Variants in NPAS3 observed in about 807,000 individuals in gnomAD.
NPAS3 encodes neuronal PAS domain-containing protein 3.
A neutral mutation model predicts 73.1 loss-of-function variants in NPAS3; 14 were observed. That is an observed-to-expected ratio of 0.19 (90% confidence interval 0.13 to 0.30). The LOEUF (loss-of-function observed/expected upper bound fraction) is 0.30, where lower values mean the gene tolerates loss of function less well. Ranked by LOEUF, NPAS3 falls within the 10% of genes least tolerant of loss-of-function variation. NPAS3 has a pLI of 1.00. For missense variants in NPAS3, 1,096 were observed against 1,250.0 expected (o/e 0.88, Z 1.86); for synonymous variants, 620 against 541.5 (o/e 1.14, Z -2.01).
intron 2 of NPAS3, among the ~76,000 whole-genome samples, chr14:33,119,305 A>G (rs2255032): frequency 0.045 from 6,902 of 152,116 alleles, 600 homozygotes; most frequent in East Asian, 0.39. Context: ...TTATTTCTTA[A>G]AGGAGTTTAG....
At chr14:33,648,889 C>T (rs2058909958) in intron 5 of NPAS3, among the ~76,000 whole-genome samples, 1 of 152,180 alleles carries the variant, frequency 6.6e-6, no homozygotes, top group Non-Finnish European at 1.5e-5. Context: ...TGCTGAGGAG[C>T]ACAGTGTGGC....
intron 1 of NPAS3, among the ~76,000 whole-genome samples, chr14:33,044,708 G>A (rs1363837807): frequency 6.7e-6 from 1 of 149,916 alleles, no homozygotes; most frequent in East Asian, 2.0e-4. Context: ...GAAATGACCT[G>A]TGATGAGTGT....
At chr14:32,938,900 C>A (rs2035828521), upstream of NPAS3, among the ~76,000 whole-genome samples, 1 of 145,756 alleles carries the variant, frequency 6.9e-6, no homozygotes, top group Admixed American at 6.8e-5. Flanking sequence ...GTCTCCGCGC[C>A]GGGCATGCCT....
At chr14:33,790,548 GA>G (rs1266140988) in intron 9 of NPAS3, among the ~76,000 whole-genome samples, 1 of 150,222 alleles carries the variant, frequency 6.7e-6, no homozygotes, top group African/African-American at 2.4e-5. Flanking sequence ...TTGCCAGTAT[GA>G]CTTTTTTTTT....
intron 5 of NPAS3, among the ~76,000 whole-genome samples, chr14:33,664,815 T>A (rs541067661): frequency 1.3e-5 from 2 of 152,282 alleles, no homozygotes; most frequent in South Asian, 4.1e-4. Context: ...TGAGATACCA[T>A]CTCACACCAG....
chr14:33,269,898 C>T (rs1467214180), intron 3 of NPAS3, among the ~76,000 whole-genome samples: 1 of 152,148 alleles, frequency 6.6e-6, no homozygotes, highest in African/African-American at 2.4e-5. Flanking sequence ...TACAAAGTGA[C>T]AACTACCTAT....
At chr14:33,528,397 T>C (rs1166914393) in intron 4 of NPAS3, among the ~76,000 whole-genome samples, 1 of 151,572 alleles carries the variant, frequency 6.6e-6, no homozygotes, top group African/African-American at 2.4e-5. Flanking sequence ...TGAAGGGCGC[T>C]CACAATCTAG....
chr14:33,154,100 C>G (rs2044560649), intron 2 of NPAS3, among the ~76,000 whole-genome samples: 1 of 151,864 alleles, frequency 6.6e-6, no homozygotes, highest in Admixed American at 6.6e-5. Flanking sequence ...GTAGAATTGG[C>G]CTTCTCTCTC....
intron 3 of NPAS3, among the ~76,000 whole-genome samples, chr14:33,248,449 T>G (rs1473586369): frequency 6.6e-6 from 1 of 152,164 alleles, no homozygotes; most frequent in African/African-American, 2.4e-5. Flanking sequence ...CACAAGTTTT[T>G]CACTTCTTCT....
intron 2 of NPAS3, among the ~76,000 whole-genome samples, chr14:33,175,287 A>T (rs2045546926): frequency 6.6e-6 from 1 of 152,186 alleles, no homozygotes; most frequent in Admixed American, 6.5e-5. Flanking sequence ...TGAAATACCT[A>T]TTCTGTGGAT....
intron 2 of NPAS3, among the ~76,000 whole-genome samples, chr14:33,161,090 G>A (rs763987144): frequency 3.9e-5 from 6 of 152,184 alleles, no homozygotes; most frequent in Non-Finnish European, 8.8e-5. Flanking sequence ...TCATGCTCTG[G>A]CAGTGACTTT....
chr14:32,965,456 A>C (rs2037111656), intron 1 of NPAS3, among the ~76,000 whole-genome samples: 1 of 152,332 alleles, frequency 6.6e-6, no homozygotes, highest in African/African-American at 2.4e-5. Context: ...AAGGCCAAAA[A>C]CCATCTGATC....
At chr14:33,325,016 A>G (rs777849237) in intron 3 of NPAS3, among the ~76,000 whole-genome samples, 22 of 152,108 alleles carry the variant, frequency 1.4e-4, no homozygotes, top group Non-Finnish European at 2.5e-4. Flanking sequence ...TTTACCTGGT[A>G]TACTCTGGGT....
chr14:33,412,639 A>G (rs1479137993), intron 4 of NPAS3, among the ~76,000 whole-genome samples: 2 of 152,164 alleles, frequency 1.3e-5, no homozygotes, highest in South Asian at 2.1e-4. Flanking sequence ...TAAGGAAACC[A>G]TATACTTGAA....
chr14:33,439,274 A>G (rs1238529238), intron 4 of NPAS3, among the ~76,000 whole-genome samples: 1 of 152,242 alleles, frequency 6.6e-6, no homozygotes, highest in Non-Finnish European at 1.5e-5. Flanking sequence ...AAAGAAAGGA[A>G]CATTCACTTG....
chr14:33,068,619 A>C (rs1437854953), intron 2 of NPAS3, among the ~76,000 whole-genome samples: 1 of 152,218 alleles, frequency 6.6e-6, no homozygotes, highest in Admixed American at 6.5e-5. Context: ...AGTCTGTTAC[A>C]TGGCAGTCAG....
chr14:33,322,906 A>C (rs563838231), intron 3 of NPAS3, among the ~76,000 whole-genome samples: 7 of 152,306 alleles, frequency 4.6e-5, no homozygotes, highest in African/African-American at 1.7e-4. Context: ...CCTCTTGATA[A>C]AAATCATCAG....
chr14:33,691,440 C>T (rs2060233414), intron 6 of NPAS3, among the ~76,000 whole-genome samples: 1 of 152,086 alleles, frequency 6.6e-6, no homozygotes, highest in African/African-American at 2.4e-5. Context: ...GCGTGTCATG[C>T]CTTTGATTAA....
chr14:32,939,309 G>A, upstream of NPAS3: 1 of 666,362 alleles, frequency 1.5e-6, no homozygotes, highest in Non-Finnish European at 2.7e-6. Context: ...AAAAAAAATA[G>A]CAGGAAGATG....
Sources: allele counts gnomAD v4.1 joint callset (sites outside exome capture counted in the v4.1 genomes callset), GRCh38; gene constraint gnomAD v4.1.1; transcripts MANE v1.5; gene names NCBI Gene and HGNC (gene_info 2026-07-23, HGNC 2026-07-21).